PHACTR1: variants seen among roughly 807,000 people sequenced by gnomAD.
The protein encoded by PHACTR1 is RPEL repeat containing 1.
A neutral mutation model predicts 69.2 loss-of-function variants in PHACTR1; 16 were observed. The ratio of observed to expected loss-of-function variants is 0.23; its 90% CI spans 0.16 to 0.35. The LOEUF is 0.35. Among genes scored for constraint, PHACTR1 ranks in the 10% least tolerant of loss-of-function variants. The pLI, the probability that PHACTR1 is intolerant of heterozygous loss-of-function variation, is 1.00. For missense variants in PHACTR1, 510 were observed against 734.7 expected, an observed-to-expected ratio of 0.69 and a Z score of 3.54; for synonymous variants, 312 against 284.5, an observed-to-expected ratio of 1.10 and a Z score of -0.97.
chr6:12,933,185 C>G (rs979923959), intron 4 of PHACTR1, among the ~76,000 whole-genome samples: 2 of 152,026 alleles, frequency 1.3e-5, no homozygotes, highest in Non-Finnish European at 2.9e-5. Context: ...ATCCCTTATC[C>G]CCCTGTCTCG....
At chr6:13,134,826 T>A (rs1821296017) in intron 5 of PHACTR1, among the ~76,000 whole-genome samples, 1 of 139,466 alleles carries the variant, frequency 7.2e-6, no homozygotes, top group Non-Finnish European at 1.5e-5. Context: ...AAAAAAATTA[T>A]CACAGTAATT....
intron 5 of PHACTR1, among the ~76,000 whole-genome samples, chr6:13,129,514 G>C (rs111858865): frequency 6.6e-6 from 1 of 151,994 alleles, no homozygotes. Flanking sequence ...AGCTATTCTT[G>C]TATCAGACAA....
intron 4 of PHACTR1, among the ~76,000 whole-genome samples, chr6:13,041,046 C>G (rs1804061449): frequency 6.6e-6 from 1 of 152,102 alleles, no homozygotes; most frequent in Non-Finnish European, 1.5e-5. Context: ...GAATTCAGAG[C>G]TTCCTATGTG....
chr6:13,005,104 C>A (rs1016071961), intron 4 of PHACTR1, among the ~76,000 whole-genome samples: 3 of 151,800 alleles, frequency 2.0e-5, no homozygotes, highest in Non-Finnish European at 2.9e-5. Context: ...TTACATCCTT[C>A]CCCTTCTTCC....
chr6:12,885,900 G>T (rs1313883147), intron 4 of PHACTR1, among the ~76,000 whole-genome samples: 1 of 152,158 alleles, frequency 6.6e-6, no homozygotes, highest in African/African-American at 2.4e-5. Flanking sequence ...TTCAAGACCA[G>T]CCTGGCCAAC....
chr6:12,894,824 A>G (rs2104908), intron 4 of PHACTR1, among the ~76,000 whole-genome samples: 129,332 of 152,118 alleles, frequency 0.85, 55,505 homozygotes, highest in East Asian at 0.94. Context: ...TATCCAAAAA[A>G]GCAAAAATTA....
At chr6:13,053,337 T>C (rs776432745) in intron 4 of PHACTR1, 28 bp from the exon 5 acceptor site, 3 of 1,575,424 alleles carry the variant, frequency 1.9e-6, no homozygotes, top group Middle Eastern at 1.7e-4. Flanking sequence ...TCTCTCTTTG[T>C]TTTCATCTCT....
At chr6:13,059,010 G>GA (rs1226073067) in intron 5 of PHACTR1, among the ~76,000 whole-genome samples, 2 of 152,164 alleles carry the variant, frequency 1.3e-5, no homozygotes, top group Non-Finnish European at 2.9e-5. Context: ...GGTAGAAAAG[G>GA]ATGGATTTGG....
chr6:13,163,070 C>A (rs568314965), intron 6 of PHACTR1, among the ~76,000 whole-genome samples: 2 of 152,074 alleles, frequency 1.3e-5, no homozygotes, highest in East Asian at 3.9e-4. Flanking sequence ...CATGGTGAAA[C>A]CCTGTCTCTA....
intron 4 of PHACTR1, among the ~76,000 whole-genome samples, chr6:12,796,271 A>C (rs992511621): frequency 2.6e-5 from 4 of 152,224 alleles, no homozygotes; most frequent in African/African-American, 9.6e-5. Flanking sequence ...AATTTGAATG[A>C]AAACAATTTG....
chr6:12,959,203 A>G (rs1210878928), intron 4 of PHACTR1, among the ~76,000 whole-genome samples: 6 of 75,994 alleles, frequency 7.9e-5, no homozygotes, highest in Non-Finnish European at 4.7e-5. Flanking sequence ...AAAGAAAAGA[A>G]AAAAAAAAGA....
chr6:12,914,369 G>A (rs1471206010), intron 4 of PHACTR1, among the ~76,000 whole-genome samples: 1 of 152,070 alleles, frequency 6.6e-6, no homozygotes, highest in African/African-American at 2.4e-5. Flanking sequence ...CACCTCTTTT[G>A]CTGGCTCCTT....
chr6:13,056,321 ACC>A (rs1806774447), intron 5 of PHACTR1, among the ~76,000 whole-genome samples: 1 of 152,028 alleles, frequency 6.6e-6, no homozygotes, highest in South Asian at 2.1e-4. Context: ...GATTGCTTGA[ACC>A]CAGGAGTTTA....
chr6:13,215,993 C>G (rs182865224), intron 8 of PHACTR1, among the ~76,000 whole-genome samples: 1 of 151,780 alleles, frequency 6.6e-6, no homozygotes, highest in Non-Finnish European at 1.5e-5. Flanking sequence ...AAAATTATAA[C>G]TGATAAGTTT....
At chr6:12,860,253 G>C (rs924847429) in intron 4 of PHACTR1, among the ~76,000 whole-genome samples, 1 of 151,948 alleles carries the variant, frequency 6.6e-6, no homozygotes, top group Non-Finnish European at 1.5e-5. Context: ...GTGGTGTTTC[G>C]TTTTCTGTTC....
chr6:13,147,230 A>T (rs922221073), intron 5 of PHACTR1, among the ~76,000 whole-genome samples: 4 of 152,200 alleles, frequency 2.6e-5, no homozygotes, highest in Non-Finnish European at 4.4e-5. Flanking sequence ...CAGAAAAGAC[A>T]ACTGATATTT....
At chr6:12,900,822 G>A (rs1237291225) in intron 4 of PHACTR1, among the ~76,000 whole-genome samples, 1 of 152,158 alleles carries the variant, frequency 6.6e-6, no homozygotes, top group African/African-American at 2.4e-5. Flanking sequence ...ACTCTTGTGT[G>A]TGTGTTTTCG....
intron 4 of PHACTR1, among the ~76,000 whole-genome samples, chr6:13,016,354 G>A (rs976651627): frequency 2.6e-5 from 4 of 152,196 alleles, no homozygotes; most frequent in African/African-American, 4.8e-5. Flanking sequence ...ATTCATCACC[G>A]AAGAGGCCAC....
chr6:12,896,513 C>A (rs6932907), intron 4 of PHACTR1, among the ~76,000 whole-genome samples: 6,345 of 152,168 alleles, frequency 0.042, 420 homozygotes, highest in African/African-American at 0.14. Flanking sequence ...CGGAGGCCCA[C>A]CCCAACCCTA....
Sources: allele counts gnomAD v4.1 joint callset (sites outside exome capture counted in the v4.1 genomes callset), GRCh38; gene constraint gnomAD v4.1.1; transcripts MANE v1.5; gene names NCBI Gene and HGNC (gene_info 2026-07-23, HGNC 2026-07-21).